TMEM154: variants seen among roughly 807,000 people sequenced by gnomAD.
TMEM154 encodes transmembrane protein 154.
Under a neutral mutation model 24.5 loss-of-function variants are expected in TMEM154, and 27 were observed. The observed-to-expected ratio is 1.10, with a 90% CI of 0.81 to 1.52. TMEM154 has a LOEUF of 1.52. TMEM154 is among the 40% of genes most tolerant of loss of function. TMEM154 has a pLI of 0.00. For missense variants in TMEM154, 228 were observed against 213.4 expected (o/e 1.07, Z -0.43); for synonymous variants, 67 against 76.8 (o/e 0.87, Z 0.67).
intron 3 of TMEM154, among the ~76,000 whole-genome samples, chr4:152,648,399 G>A (rs539324078): frequency 1.3e-5 from 2 of 152,344 alleles, no homozygotes; most frequent in South Asian, 4.1e-4. Context: ...GTAGGCTGAG[G>A]TGGGAGGATC....
intron 4 of TMEM154, among the ~76,000 whole-genome samples, 177 bp from the exon 5 acceptor site, chr4:152,643,350 G>A (rs938767833): frequency 6.6e-6 from 1 of 151,098 alleles, no homozygotes; most frequent in African/African-American, 2.4e-5. Context: ...AGGAAGAAAG[G>A]CTACCACACA....
In TMEM154 at chr4:152,626,759, G is replaced by T. The variant is rs576980275; in HGVS notation, c.*1787C>A. 2.0e-5 allele frequency: 3 copies of T among 152,292 alleles called. No homozygotes were observed. The East Asian group carries it at 5.8e-4, about 29-fold the overall frequency. 9.4% of individuals were successfully genotyped at this position (152,292 alleles called of 1,614,324 possible). A position where few individuals can be genotyped will look rare whatever the true frequency, so the allele number is the denominator to read the frequency against. On this transcript the variant is annotated 3_prime_UTR_variant, in exon 7 of 7. Transcript: ENST00000304385. ...GATCTTAGATACCTAAAGAGAGAAA[G>T]GGGCAAATGGAGGCTCTTCTGAGAG...
At chr4:152,676,113 T>A (rs545174244) in intron 1 of TMEM154, among the ~76,000 whole-genome samples, 2 of 152,164 alleles carry the variant, frequency 1.3e-5, no homozygotes, top group Non-Finnish European at 2.9e-5. Flanking sequence ...CTGCTTCTAG[T>A]CTTAAATCCC....
At chr4:152,637,409 G>A (rs1199012409) in intron 6 of TMEM154, among the ~76,000 whole-genome samples, 1 of 152,140 alleles carries the variant, frequency 6.6e-6, no homozygotes, top group Non-Finnish European at 1.5e-5. Context: ...GCCAGGCGTG[G>A]TGGTGGGTAC....
rs906857416 is a variant in TMEM154, at chr4:152,623,375, A to G, written c.*5171T>C. 6.6e-6 allele frequency: 1 copy of G among 152,174 alleles called. No individual in the cohort carries two copies. The highest frequency in any genetic ancestry group is 2.4e-5 in the African/African-American group (1 of 41,428). 9.4% of individuals were successfully genotyped at this position (152,174 alleles called of 1,614,324 possible). ...ACCAGATTATTGTTTAACTTGTTGA[A>G]TACCTATAATCTCTGCTTTTTCTGA... On this transcript the variant is annotated 3_prime_UTR_variant, in exon 7 of 7. Transcript: ENST00000304385.
intron 3 of TMEM154, among the ~76,000 whole-genome samples, chr4:152,648,527 A>G (rs1728311436): frequency 6.6e-6 from 1 of 152,138 alleles, no homozygotes; most frequent in African/African-American, 2.4e-5. Flanking sequence ...TGGGCCCTGG[A>G]AAAAGGGATG....
intron 6 of TMEM154, among the ~76,000 whole-genome samples, chr4:152,635,583 A>T (rs1319607866): frequency 6.6e-6 from 1 of 152,228 alleles, no homozygotes; most frequent in Non-Finnish European, 1.5e-5. Context: ...TGACAAAGAG[A>T]AGGGATGAAA....
At chr4:152,667,512 G>A (rs551523514) in intron 1 of TMEM154, among the ~76,000 whole-genome samples, 1 of 152,136 alleles carries the variant, frequency 6.6e-6, no homozygotes, top group African/African-American at 2.4e-5. Context: ...AGCAGGACTC[G>A]AGAAGAGGAG....
chr4:152,656,709 G>A (rs895854888), intron 1 of TMEM154, among the ~76,000 whole-genome samples: 1 of 151,710 alleles, frequency 6.6e-6, no homozygotes. Context: ...ATCACCTGAG[G>A]TCGGGAGTTC....
intron 5 of TMEM154, among the ~76,000 whole-genome samples, chr4:152,642,789 C>T (rs959317028): frequency 6.6e-6 from 1 of 152,106 alleles, no homozygotes; most frequent in Non-Finnish European, 1.5e-5. Context: ...TAAGGTAATG[C>T]CAGATGCTAA....
chr4:152,629,419 G>A (rs981567942), intron 6 of TMEM154, among the ~76,000 whole-genome samples: 2 of 152,146 alleles, frequency 1.3e-5, no homozygotes, highest in African/African-American at 2.4e-5. Context: ...TGATGTACAT[G>A]GTATTTGAAC....
Position 152,657,215 on chromosome 4 carries a change from C to T in TMEM154, c.65-4288G>A, listed in dbSNP as rs182967995. ...CAAAGAGAAAATGAGTGTTAGAAAA[C>T]CTTTTTAATGAAACAAGGCCAGATG... is the stretch of plus-strand genomic sequence containing the variant. On this transcript the variant is annotated intron_variant, in intron 1 of 6. Transcript: ENST00000304385. Among the ~76,000 whole-genome samples, 138 of 148,820 alleles carry T rather than the reference C, an allele frequency of 9.3e-4. 1 individual carries two copies. Among genetic ancestry groups the T allele is most frequent in the African/African-American group, 3.1e-3 (123 of 40,246 alleles).
At chr4:152,663,934 C>T (rs936140030) in intron 1 of TMEM154, among the ~76,000 whole-genome samples, 8 of 152,180 alleles carry the variant, frequency 5.3e-5, no homozygotes, top group Admixed American at 2.0e-4. Flanking sequence ...TTTGAGGTAA[C>T]GCCTGGCAGC....
intron 1 of TMEM154, among the ~76,000 whole-genome samples, chr4:152,655,133 T>C (rs1391602982): frequency 6.6e-6 from 1 of 152,126 alleles, no homozygotes; most frequent in Non-Finnish European, 1.5e-5. Flanking sequence ...AAATACTGAG[T>C]AGATAAGCTA....
At chr4:152,655,367 G>A (rs920062922) in intron 1 of TMEM154, among the ~76,000 whole-genome samples, 2 of 152,200 alleles carry the variant, frequency 1.3e-5, no homozygotes, top group Non-Finnish European at 2.9e-5. Context: ...CACAGGCCCT[G>A]AGACTAACAC....
At chr4:152,658,632 C>G (rs777575599) in intron 1 of TMEM154, among the ~76,000 whole-genome samples, 2 of 151,760 alleles carry the variant, frequency 1.3e-5, no homozygotes, top group Admixed American at 6.6e-5. Flanking sequence ...GCTAAAAATA[C>G]AAAATTTTTA....
intron 6 of TMEM154, among the ~76,000 whole-genome samples, chr4:152,630,836 T>C (rs1175885992): frequency 6.6e-6 from 1 of 152,232 alleles, no homozygotes; most frequent in South Asian, 2.1e-4. Context: ...ATATATTCTT[T>C]TCGTACAAAA....
At chr4:152,670,841 A>G (rs187198987) in intron 1 of TMEM154, among the ~76,000 whole-genome samples, 132 of 152,310 alleles carry the variant, frequency 8.7e-4, no homozygotes, top group African/African-American at 2.9e-3. Flanking sequence ...TTGTGTGCCT[A>G]TTAACGTGCA....
intron 5 of TMEM154, 77 bp downstream of exon 5, chr4:152,643,011 T>G: frequency 4.5e-4 from 475 of 1,052,260 alleles, no homozygotes; most frequent in Middle Eastern, 1.1e-3. Flanking sequence ...CAGGATTTAT[T>G]GAGATATTTA....
Sources: gnomAD v4.1 joint callset for allele counts (sites outside exome capture counted in the v4.1 genomes callset) on GRCh38, gnomAD v4.1.1 for gene constraint, MANE v1.5 for transcripts, NCBI Gene and HGNC (gene_info 2026-07-23, HGNC 2026-07-21) for gene names.